CPZ: variants seen among roughly 807,000 people sequenced by gnomAD.
The protein encoded by CPZ is VEZT/CPZ fusion.
A neutral mutation model predicts 61.8 loss-of-function variants in CPZ; 103 were observed. The ratio of observed to expected loss-of-function variants is 1.67; its 90% CI spans 1.42 to 1.96. The LOEUF is 1.96. Among genes scored for constraint, CPZ ranks in the 30% most tolerant of loss-of-function variants. The pLI is 0.00. For missense variants in CPZ, 1,461 were observed against 914.9 expected, an observed-to-expected ratio of 1.60 and a Z score of -7.70; for synonymous variants, 551 against 373.7, an observed-to-expected ratio of 1.47 and a Z score of -5.47.
chr4:8,611,275 T>A (rs1430933165), intron 7 of CPZ: 1 of 456,110 alleles, frequency 2.2e-6, no homozygotes, highest in Non-Finnish European at 4.4e-6. Context: ...CCAAGGTCAG[T>A]CTGGGACTTA....
rs148785945 is a variant in CPZ at position 8,609,716 on chromosome 4, C to T, written c.1227+2291C>T. ...TCAGAACCAGATGTGAGAAGACGTC[C>T]CCAGGGGGGATGTTCACCCCAGTGA... On this transcript the variant is annotated intron_variant, in intron 7 of 10. Transcript: ENST00000360986. Among the ~76,000 whole-genome samples the T allele has an allele frequency of 3.9e-3, 596 of 152,362 alleles. 3 individuals carry two copies. The highest frequency in any genetic ancestry group is 5.6e-3 in the Non-Finnish European group (381 of 68,036).
chr4:8,609,097 CA>C lies in CPZ; in HGVS notation c.1227+1673del, dbSNP rs1715332271. The stretch of plus-strand genomic sequence containing the variant: ...CCACTCATACATTCACCCATTCACT[CA>C]CTCACTCCCTTCCTCACTCCCTCAC... On this transcript the variant is annotated intron_variant, in intron 7 of 10. Coordinates refer to ENST00000360986, the MANE Select transcript of CPZ (RefSeq NM_001014447.3). Among the ~76,000 whole-genome samples the C allele has an allele frequency of 4.5e-4, 12 of 26,622 alleles. 1 individual carries two copies. Among genetic ancestry groups the C allele is most frequent in the African/African-American group, 7.8e-4 (9 of 11,604 alleles). 17.5% of individuals were successfully genotyped at this position (26,622 alleles called of 152,430 possible).
At chr4:8,607,203 A>C (rs1368065859) in intron 6 of CPZ, 64 bp from the exon 7 acceptor site, 1 of 1,547,384 alleles carries the variant, frequency 6.5e-7, no homozygotes, top group Non-Finnish European at 8.7e-7. Context: ...GCTGAAGCCC[A>C]GGGCATGGCT....
intron 7 of CPZ, among the ~76,000 whole-genome samples, chr4:8,608,251 G>A (rs1411585206): frequency 6.6e-6 from 1 of 150,630 alleles, no homozygotes; most frequent in Admixed American, 6.6e-5. Context: ...GCCCCTTGAT[G>A]GCCCAGAGTC....
intron 9 of CPZ, among the ~76,000 whole-genome samples, chr4:8,616,533 C>T (rs1253891940): frequency 1.3e-5 from 2 of 152,148 alleles, no homozygotes; most frequent in Non-Finnish European, 1.5e-5. Flanking sequence ...GGGGTAGGCC[C>T]CCAGTGTGGC....
In CPZ at chr4:8,601,124, C is replaced by T. The variant is rs201190600; in HGVS notation, c.123C>T (p.Ala41=). Residue 41 remains alanine (A), a splice_region_variant and synonymous_variant, in exon 3 of 11, where the codon GCC becomes GCT. Transcript: ENST00000360986. ...ECHRPPAADS[A]TCVDLQLRTC... ...GACCTGCCGACCCTGCCTCCCCAGC[C>T]ACCTGCGTGGACCTGCAGCTCAGGA... 6 of 1,565,694 alleles carry T rather than the reference C, an allele frequency of 3.8e-6. No homozygotes were observed. Among genetic ancestry groups the T allele is most frequent in the South Asian group, 1.2e-5 (1 of 84,058 alleles).
In CPZ at chr4:8,619,343, T is replaced by C; in HGVS notation, c.1685T>C (p.Ile562Thr). ...CAAGCCCCTGGCTACGCCAAAGTCA[T>C]CAAGAAAGTCATCATCCCCGCCCGG... ...IAQAPGYAKV[I>T]KKVIIPARMK... is the part of the protein sequence containing the mutation. Residue 562 changes from isoleucine (I) to threonine (T), a missense_variant, in exon 11 of 11, where the codon ATC (isoleucine) becomes ACC (threonine). By Grantham distance (89) the Ile-to-Thr change is moderately conservative. Transcript: ENST00000360986. 5.0e-6 allele frequency: 8 copies of C among 1,614,170 alleles called. No homozygotes were observed. Among genetic ancestry groups the C allele is most frequent in the Non-Finnish European group, 6.8e-6 (8 of 1,180,012 alleles).
chr4:8,601,555 C>T, intron 3 of CPZ, 58 bp downstream of exon 3: 1 of 1,407,574 alleles, frequency 7.1e-7, no homozygotes, highest in Middle Eastern at 1.8e-4. Context: ...CAAGGAGGAC[C>T]AAGAGCCACA....
At chr4:8,609,864 G>C (rs1305452778) in intron 7 of CPZ, among the ~76,000 whole-genome samples, 1 of 152,198 alleles carries the variant, frequency 6.6e-6, no homozygotes, top group Non-Finnish European at 1.5e-5. Context: ...GCCTGGGTTT[G>C]GCAGGGGAGC....
intron 6 of CPZ, 131 bp downstream of exon 6, chr4:8,607,029 G>A (rs1036726300): frequency 8.5e-6 from 10 of 1,179,688 alleles, no homozygotes; most frequent in East Asian, 2.6e-5. Flanking sequence ...TCAGTTACCT[G>A]TCTGTGAAAT....
chr4:8,612,157 C>CT lies in CPZ; in HGVS notation c.1358_1359insT (p.Gly455ArgfsTer14). ...AACGGGGCGGACTGGTACAGCTTCA[C>CT]GGGAGGTGCGGCTTCCGCAGGGCGG... On this transcript the variant is annotated frameshift_variant, in exon 8 of 11. Coordinates refer to ENST00000360986, the MANE Select transcript of CPZ (RefSeq NM_001014447.3). LOFTEE classifies it high-confidence loss of function. 1 of 1,000,018 alleles carries CT rather than the reference C, an allele frequency of 1.0e-6. No homozygotes were observed. Among genetic ancestry groups the CT allele is most frequent in the Non-Finnish European group, 1.3e-6 (1 of 797,606 alleles). The allele number at this position is 1,000,018 out of a possible 1,614,324, so 61.9% of individuals were successfully genotyped here.
intron 1 of CPZ, among the ~76,000 whole-genome samples, chr4:8,598,456 C>G (rs112590953): frequency 6.6e-6 from 1 of 152,232 alleles, no homozygotes; most frequent in African/African-American, 2.4e-5. Context: ...GAGGTGAAGT[C>G]ACAGCCAGGC....
chr4:8,619,445 G>C lies in CPZ; in HGVS notation c.1787G>C (p.Arg596Pro), dbSNP rs61734020. The change falls in exon 11 of 11, where the codon CGG becomes CCG. Residue 596 changes from arginine (R) to proline (P), a missense_variant. Transcript: ENST00000360986. ...MGPKNFIHGLRRTGPHDPLGG... is the reference protein window; with the variant it reads ...MGPKNFIHGLPRTGPHDPLGG... ...CCCAAGAACTTTATTCATGGGCTGC[G>C]GAGGACTGGGCCCCACGACCCACTG... 9.9e-6 allele frequency: 16 copies of C among 1,613,508 alleles called. No homozygotes were observed. Among genetic ancestry groups the C allele is most frequent in the Non-Finnish European group, 1.4e-5 (16 of 1,179,798 alleles).
At chr4:8,615,071 C>T (rs1049125082) in intron 9 of CPZ, among the ~76,000 whole-genome samples, 17 of 151,856 alleles carry the variant, frequency 1.1e-4, no homozygotes, top group Non-Finnish European at 1.3e-4. Flanking sequence ...GTGGTTCAGG[C>T]AGGGTTTTGG....
intron 6 of CPZ, 67 bp from the exon 7 acceptor site, chr4:8,607,199 GC>G: frequency 4.5e-6 from 7 of 1,540,232 alleles, no homozygotes; most frequent in Non-Finnish European, 6.1e-6. Flanking sequence ...GGCTGCTGAA[GC>G]CCAGGGCATG....
At chr4:8,609,028 T>TTCAC (rs1553877560) in intron 7 of CPZ, among the ~76,000 whole-genome samples, 41 of 106,694 alleles carry the variant, frequency 3.8e-4, no homozygotes, top group African/African-American at 1.0e-3. Context: ...AACTCACTCC[T>TTCAC]TCACTCACCC....
Position 8,607,359 on chromosome 4 carries a change from C to G in CPZ, c.1161C>G (p.Ser387=). ...TTCATGGGGGCGACCTGGTGGTGTC[C>G]TACCCCTTCGACTTCTCCAAGCACC... is the stretch of plus-strand genomic sequence containing the variant. ...ASLHGGDLVV[S]YPFDFSKHPQ... Residue 387 remains serine (S), a synonymous_variant, in exon 7 of 11, where the codon TCC becomes TCG. Transcript: ENST00000360986. 1 of 1,614,088 alleles carries G rather than the reference C, an allele frequency of 6.2e-7. No homozygotes were observed. The highest frequency in any genetic ancestry group is 1.1e-5 in the South Asian group (1 of 91,088).
At chr4:8,617,875 G>A (rs369617322) in intron 9 of CPZ, among the ~76,000 whole-genome samples, 10 of 152,288 alleles carry the variant, frequency 6.6e-5, no homozygotes, top group African/African-American at 2.2e-4. Context: ...TGAAAACGTT[G>A]GAGCTGTGGG....
chr4:8,614,551 G>A (rs996355158), intron 9 of CPZ, 53 bp downstream of exon 9: 1 of 1,586,528 alleles, frequency 6.3e-7, no homozygotes, highest in Non-Finnish European at 8.6e-7. Flanking sequence ...GGGTGGGGTG[G>A]GTCACATTCA....
Sources: allele counts gnomAD v4.1 joint callset (sites outside exome capture counted in the v4.1 genomes callset), GRCh38; gene constraint gnomAD v4.1.1; transcripts MANE v1.5; gene names NCBI Gene and HGNC (gene_info 2026-07-23, HGNC 2026-07-21).